MALRD1: variants seen among roughly 807,000 people sequenced by gnomAD.
MALRD1 encodes MAM and LDL-receptor class A domain-containing protein 1.
In MALRD1, 247 loss-of-function variants were observed where a neutral mutation model predicts 242.1. The observed-to-expected ratio is 1.02, with a 90% CI of 0.92 to 1.13. The LOEUF is 1.13. Ranked by LOEUF, MALRD1 falls within the 50% of genes most tolerant of loss-of-function variation. The pLI, the probability that MALRD1 is intolerant of heterozygous loss-of-function variation, is 0.00. For synonymous variants in MALRD1, 995 were observed against 866.6 expected, an observed-to-expected ratio of 1.15 and a Z score of -2.60; for missense variants, 2,989 against 2,533.1, an observed-to-expected ratio of 1.18 and a Z score of -3.86.
intron 19 of MALRD1, among the ~76,000 whole-genome samples, chr10:19,264,048 A>T (rs947406937): frequency 1.3e-5 from 2 of 152,184 alleles, no homozygotes; most frequent in South Asian, 4.1e-4. Context: ...GCTTTTACCC[A>T]CATCCTCCCA....
intron 28 of MALRD1, among the ~76,000 whole-genome samples, chr10:19,390,656 G>A (rs546954431): frequency 6.6e-6 from 1 of 152,206 alleles, no homozygotes; most frequent in East Asian, 1.9e-4. Context: ...AAAGCATGCT[G>A]TGGAGACCAT....
chr10:19,573,710 C>T (rs192702264), intron 33 of MALRD1, among the ~76,000 whole-genome samples: 196 of 152,242 alleles, frequency 1.3e-3, no homozygotes, highest in African/African-American at 4.5e-3. Flanking sequence ...AACCACTTCA[C>T]GCAAATGAGG....
rs1230730939 is a variant in MALRD1, at chr10:19,719,171, C to CATATAT, written c.6315-11532_6315-11531insTATATA. On this transcript the variant is annotated intron_variant, in intron 38 of 39. Transcript: ENST00000454679. ...TGTCCAAATTATATATATATATATA[C>CATATAT]ATACATATATATATATATACATACA... 1.7e-3 allele frequency among the ~76,000 whole-genome samples: 119 copies of CATATAT among 69,592 alleles called. 2 individuals carry two copies. The highest frequency in any genetic ancestry group is 9.0e-3 in the African/African-American group (111 of 12,398). The allele number at this position is 69,592 out of a possible 152,430, so 45.7% of individuals were successfully genotyped here. A position where few individuals can be genotyped will look rare whatever the true frequency, so the allele number is the denominator to read the frequency against.
intron 34 of MALRD1, among the ~76,000 whole-genome samples, chr10:19,601,002 A>T (rs1028168583): frequency 6.6e-6 from 1 of 151,876 alleles, no homozygotes; most frequent in African/African-American, 2.4e-5. Context: ...CCCCCACCTT[A>T]GTCTCCCAAG....
chr10:19,261,517 A>G (rs1839751975), intron 19 of MALRD1, among the ~76,000 whole-genome samples: 1 of 151,094 alleles, frequency 6.6e-6, no homozygotes. Flanking sequence ...TGTTATCTGA[A>G]GTAAGAATCA....
At chr10:19,558,296 G>T (rs1332321361) in intron 32 of MALRD1, among the ~76,000 whole-genome samples, 1 of 152,026 alleles carries the variant, frequency 6.6e-6, no homozygotes, top group African/African-American at 2.4e-5. Flanking sequence ...AGTTGTGAGA[G>T]CACACATCCT....
intron 24 of MALRD1, among the ~76,000 whole-genome samples, chr10:19,337,303 C>A (rs1843657513): frequency 6.6e-6 from 1 of 152,018 alleles, no homozygotes; most frequent in South Asian, 2.1e-4. Flanking sequence ...CATAAGAAAT[C>A]ATGAAATGGA....
At chr10:19,203,222 T>C (rs573972702) in intron 14 of MALRD1, among the ~76,000 whole-genome samples, 2 of 152,198 alleles carry the variant, frequency 1.3e-5, no homozygotes, top group Non-Finnish European at 2.9e-5. Flanking sequence ...AATTAGGCAA[T>C]GCATATAACA....
intron 33 of MALRD1, among the ~76,000 whole-genome samples, chr10:19,583,524 A>G: frequency 6.7e-6 from 1 of 150,256 alleles, no homozygotes; most frequent in African/African-American, 2.5e-5. Context: ...GCTGGATTAC[A>G]TTTATTGATT....
intron 36 of MALRD1, among the ~76,000 whole-genome samples, chr10:19,667,176 G>T (rs887092582): frequency 1.2e-4 from 18 of 152,236 alleles, no homozygotes; most frequent in African/African-American, 4.1e-4. Context: ...TTGGACTGAG[G>T]CCAGGTTCTG....
chr10:19,288,313 G>A (rs767980974), intron 21 of MALRD1, among the ~76,000 whole-genome samples: 3 of 151,946 alleles, frequency 2.0e-5, no homozygotes, highest in Non-Finnish European at 2.9e-5. Context: ...AAACAATCCA[G>A]TTACTCTCTT....
intron 29 of MALRD1, among the ~76,000 whole-genome samples, chr10:19,466,217 A>G (rs1836211444): frequency 6.6e-6 from 1 of 152,042 alleles, no homozygotes; most frequent in South Asian, 2.1e-4. Context: ...GTCTTCATTA[A>G]CTATATTAAC....
chr10:19,163,139 A>G (rs1190530649), intron 12 of MALRD1, among the ~76,000 whole-genome samples: 1 of 75,682 alleles, frequency 1.3e-5, no homozygotes. Flanking sequence ...ACCCTGTCTA[A>G]AAAAAAAAAA....
chr10:19,266,025 G>A (rs941893150), intron 19 of MALRD1, among the ~76,000 whole-genome samples: 4 of 151,678 alleles, frequency 2.6e-5, no homozygotes, highest in Non-Finnish European at 5.9e-5. Context: ...TGTAAGTATA[G>A]CTTCCTGTGC....
At chr10:19,364,025 G>T (rs767176099) in intron 26 of MALRD1, among the ~76,000 whole-genome samples, 6 of 152,040 alleles carry the variant, frequency 3.9e-5, no homozygotes, top group Non-Finnish European at 7.4e-5. Flanking sequence ...GAATCCTAGG[G>T]CATGATGGAA....
chr10:19,308,511 A>G (rs1842312391), intron 21 of MALRD1, among the ~76,000 whole-genome samples: 1 of 151,448 alleles, frequency 6.6e-6, no homozygotes, highest in African/African-American at 2.4e-5. Context: ...GCCTAGGGGG[A>G]GTCTTAAGCT....
intron 18 of MALRD1, among the ~76,000 whole-genome samples, chr10:19,249,037 A>T (rs1404315021): frequency 6.8e-6 from 1 of 148,006 alleles, no homozygotes; most frequent in Non-Finnish European, 1.5e-5. Context: ...AAATTAAAAC[A>T]TACACATATG....
At chr10:19,610,549 G>C (rs192685243) in intron 35 of MALRD1, among the ~76,000 whole-genome samples, 6 of 151,902 alleles carry the variant, frequency 3.9e-5, no homozygotes, top group Admixed American at 3.9e-4. Context: ...GGACTCCTAG[G>C]TGTATATATC....
intron 29 of MALRD1, among the ~76,000 whole-genome samples, chr10:19,480,557 A>G (rs913649121): frequency 2.0e-5 from 3 of 152,224 alleles, no homozygotes; most frequent in Non-Finnish European, 2.9e-5. Flanking sequence ...CAGTAGCAGT[A>G]AATCCAGAAT....
Sources: gnomAD v4.1 joint callset for allele counts (sites outside exome capture counted in the v4.1 genomes callset) on GRCh38, gnomAD v4.1.1 for gene constraint, MANE v1.5 for transcripts, NCBI Gene and HGNC (gene_info 2026-07-23, HGNC 2026-07-21) for gene names.